The following SVEP1 variants were observed in gnomAD, a reference collection of about 807,000 sequenced individuals.
The protein encoded by SVEP1 is sushi, von Willebrand factor type A, EGF and pentraxin domain-containing protein 1.
SVEP1 carries 164 observed loss-of-function variants against 367.3 expected under a neutral mutation model. The ratio of observed to expected loss-of-function variants is 0.45; its 90% confidence interval spans 0.39 to 0.51. The LOEUF is 0.51. Ranked by LOEUF, SVEP1 falls within the 20% of genes least tolerant of loss-of-function variation. SVEP1 has a pLI of 0.00. For synonymous variants in SVEP1, 1,666 were observed against 1,611.6 expected, an observed-to-expected ratio of 1.03 and a Z score of -0.81; for missense variants, 4,117 against 4,425.3, an observed-to-expected ratio of 0.93 and a Z score of 1.98.
chr9:110,450,334 C>T (rs892250804), intron 23 of SVEP1, 74 bp from the exon 24 acceptor site: 2 of 1,455,010 alleles, frequency 1.4e-6, no homozygotes, highest in African/African-American at 2.8e-5. Context: ...AGTGTTGACT[C>T]CCTGGAGGAT....
At position 110,408,520 on chromosome 9, in the gene SVEP1, G is replaced by C. The variant is rs754678085; in HGVS notation, c.7080C>G (p.Val2360=). Residue 2360 remains valine (V), a synonymous_variant, in exon 38 of 48, where the codon GTC becomes GTG. Transcript: ENST00000374469. The part of the protein sequence containing the change: ...KEGHVLQGPS[V]LKCLPSQQWN... ...ATTGCTGGGATGGCAAGCATTTCAG[G>C]ACAGAGGGGCCTTGCAGGACATGCC... is the stretch of plus-strand genomic sequence containing the variant. 5.0e-6 allele frequency: 8 copies of C among 1,613,892 alleles called. No homozygotes were observed. The highest frequency in any genetic ancestry group is 6.8e-6 in the Non-Finnish European group (8 of 1,179,858).
At chr9:110,569,261 AC>A (rs1830526725) in intron 1 of SVEP1, among the ~76,000 whole-genome samples, 2 of 152,206 alleles carry the variant, frequency 1.3e-5, no homozygotes, top group Admixed American at 6.5e-5. Flanking sequence ...GTTTGAGACC[AC>A]CCTGACCAAC....
At chr9:110,459,263 G>T in intron 18 of SVEP1, 150 bp from the exon 19 acceptor site, 1 of 638,954 alleles carries the variant, frequency 1.6e-6, no homozygotes, top group Non-Finnish European at 2.4e-6. Context: ...TTATCACCCA[G>T]GTAAATGTTT....
intron 17 of SVEP1, among the ~76,000 whole-genome samples, chr9:110,467,865 G>A (rs1233893829): frequency 6.6e-6 from 1 of 151,866 alleles, no homozygotes; most frequent in African/African-American, 2.4e-5. Context: ...TGAACTCCTT[G>A]GCTCAAACAA....
intron 1 of SVEP1, among the ~76,000 whole-genome samples, chr9:110,556,052 C>G (rs1830353757): frequency 6.6e-6 from 1 of 152,132 alleles, no homozygotes; most frequent in Non-Finnish European, 1.5e-5. Context: ...GAGACAAACC[C>G]TCTGCTGCCA....
intron 8 of SVEP1, among the ~76,000 whole-genome samples, chr9:110,493,149 A>G (rs1829395573): frequency 1.3e-5 from 2 of 151,932 alleles, no homozygotes; most frequent in African/African-American, 4.8e-5. Context: ...GCTTGGAGCT[A>G]AGGGGAAGGG....
intron 1 of SVEP1, among the ~76,000 whole-genome samples, chr9:110,568,694 G>A (rs771557220): frequency 1.3e-5 from 2 of 152,146 alleles, no homozygotes; most frequent in Non-Finnish European, 2.9e-5. Context: ...AAATGCACAA[G>A]TTTATGGGTT....
chr9:110,404,491 G>T lies in SVEP1; in HGVS notation c.9502C>A (p.Arg3168Ser), dbSNP rs746053648. The part of the protein sequence containing the change: ...TDTFTCQKDG[R>S]WFPERISCSP... Reference sequence around the variant, plus strand: ...CAGGAGATTCTCTCAGGGAACCAGCGACCATCTTTCTGACAGGTGAATGTA... The same window carrying T: ...CAGGAGATTCTCTCAGGGAACCAGCTACCATCTTTCTGACAGGTGAATGTA... Residue 3168 changes from arginine (R) to serine (S), a missense_variant, in exon 39 of 48, where the codon CGC becomes AGC. Physicochemically the swap from Arg to Ser is moderately radical, Grantham distance 110. Around this residue, in one of 4 missense-constraint regions of SVEP1, gnomAD observed 1,765 missense variants for 1,781.1 expected, o/e 0.99. Coordinates refer to ENST00000374469, the MANE Select transcript of SVEP1 (RefSeq NM_153366.4). The T allele has an allele frequency of 7.4e-6, 12 of 1,613,812 alleles. No homozygotes were observed. The highest frequency in any genetic ancestry group is 2.7e-5 in the African/African-American group (2 of 74,896).
chr9:110,476,369 G>C (rs1588071903), intron 13 of SVEP1, 54 bp from the exon 14 acceptor site: 3 of 1,362,196 alleles, frequency 2.2e-6, no homozygotes, highest in East Asian at 4.6e-5. Context: ...TGCATGCCTT[G>C]GATAAACACT....
chr9:110,408,019 G>C lies in SVEP1; in HGVS notation c.7581C>G (p.Gly2527=). The C allele has an allele frequency of 6.2e-7, 1 of 1,614,040 alleles. No homozygotes were observed. The change falls in exon 38 of 48, where the codon GGC becomes GGG. Residue 2527 remains glycine, a synonymous_variant. Transcript: ENST00000374469. The part of the protein sequence containing the change: ...GQTVTYSCNR[G]FRLEGPSALT... ...AGGCACTGGGACCTTCGAGCCGAAA[G>C]CCTCGGTTGCAAGAGTAGGTAACGG... is the stretch of plus-strand genomic sequence containing the variant.
chr9:110,443,484 C>G, intron 27 of SVEP1, 61 bp downstream of exon 27: 5 of 1,321,714 alleles, frequency 3.8e-6, no homozygotes, highest in Non-Finnish European at 5.0e-6. Context: ...AACCTGATGT[C>G]CATTTAAGCA....
At chr9:110,537,377 T>C (rs1400920406) in intron 3 of SVEP1, among the ~76,000 whole-genome samples, 1 of 152,014 alleles carries the variant, frequency 6.6e-6, no homozygotes, top group Non-Finnish European at 1.5e-5. Flanking sequence ...AGTATTTTTA[T>C]GTGTGAGAAA....
intron 38 of SVEP1, 102 bp downstream of exon 38, chr9:110,406,058 A>G: frequency 6.9e-7 from 1 of 1,445,460 alleles, no homozygotes; most frequent in Non-Finnish European, 9.2e-7. Flanking sequence ...AGAGCAGTTC[A>G]GAGATGATGT....
chr9:110,399,152 A>G (rs1045239899), intron 40 of SVEP1, among the ~76,000 whole-genome samples: 5 of 152,224 alleles, frequency 3.3e-5, no homozygotes, highest in Admixed American at 2.0e-4. Context: ...ACACCATGGA[A>G]TACTATGCAG....
At chr9:110,573,604 T>C (rs1830591188) in intron 1 of SVEP1, among the ~76,000 whole-genome samples, 1 of 152,086 alleles carries the variant, frequency 6.6e-6, no homozygotes, top group Non-Finnish European at 1.5e-5. Flanking sequence ...GCGATGTTTG[T>C]TTAACGGATA....
chr9:110,389,737 C>T (rs1827597609), intron 40 of SVEP1, 150 bp from the exon 41 acceptor site: 1 of 803,780 alleles, frequency 1.2e-6, no homozygotes, highest in Non-Finnish European at 1.9e-6. Flanking sequence ...AAGTCTAAAT[C>T]TACTCCTTAA....
chr9:110,571,993 T>C (rs1444253812), intron 1 of SVEP1, among the ~76,000 whole-genome samples: 1 of 152,228 alleles, frequency 6.6e-6, no homozygotes, highest in Non-Finnish European at 1.5e-5. Flanking sequence ...TCGTTTACAT[T>C]CTCTGGGTTA....
At chr9:110,455,533 T>C (rs962842255) in intron 22 of SVEP1, 57 bp downstream of exon 22, 4 of 1,299,656 alleles carry the variant, frequency 3.1e-6, no homozygotes, top group African/African-American at 2.9e-5. Context: ...ATCTCAGTGA[T>C]GAAATGTTAA....
chr9:110,412,085 G>T (rs550371252), intron 36 of SVEP1, among the ~76,000 whole-genome samples: 1 of 152,154 alleles, frequency 6.6e-6, no homozygotes, highest in South Asian at 2.1e-4. Context: ...ATGGATTTAA[G>T]ATTTTTTTGC....
Sources: allele counts gnomAD v4.1 joint callset (sites outside exome capture counted in the v4.1 genomes callset), GRCh38; gene constraint gnomAD v4.1.1; regional missense constraint gnomAD v4.1.1; transcripts MANE v1.5; gene names NCBI Gene and HGNC (gene_info 2026-07-23, HGNC 2026-07-21).